The following TMEM132B variants were observed in gnomAD, a reference collection of about 807,000 sequenced individuals.
The protein encoded by TMEM132B is transmembrane protein 132B.
TMEM132B carries 18 observed loss-of-function variants against 90.8 expected under a neutral mutation model. That is an observed-to-expected ratio of 0.20 (90% CI 0.14 to 0.29). The LOEUF is 0.29. TMEM132B is among the 10% of genes least tolerant of loss of function. TMEM132B has a pLI of 1.00. For missense variants in TMEM132B, 1,096 were observed against 1,326.8 expected (o/e 0.83, Z 2.70); for synonymous variants, 504 against 523.3 (o/e 0.96, Z 0.50).
intron 3 of TMEM132B, among the ~76,000 whole-genome samples, chr12:125,457,054 C>G (rs1467008425): frequency 1.3e-5 from 2 of 152,132 alleles, no homozygotes; most frequent in Non-Finnish European, 2.9e-5. Context: ...TGAGTGGGCT[C>G]TGCTGCCTGC....
At chr12:125,431,707 G>A (rs943623636) in intron 3 of TMEM132B, among the ~76,000 whole-genome samples, 1 of 152,226 alleles carries the variant, frequency 6.6e-6, no homozygotes, top group Non-Finnish European at 1.5e-5. Flanking sequence ...GCAGCCAGCT[G>A]CATTGTCCTT....
intron 4 of TMEM132B, among the ~76,000 whole-genome samples, chr12:125,545,671 A>G (rs1884073023): frequency 1.3e-5 from 2 of 152,192 alleles, no homozygotes; most frequent in Admixed American, 1.3e-4. Context: ...CTTTGCTAGA[A>G]CGTTTGAAGG....
chr12:125,283,173 GT>G (rs1875248291), intron 1 of TMEM132B, among the ~76,000 whole-genome samples: 1 of 152,080 alleles, frequency 6.6e-6, no homozygotes, highest in Non-Finnish European at 1.5e-5. Context: ...TTAATGATCT[GT>G]TTGGCAAATC....
At chr12:125,234,962 C>T (rs1873901175) in intron 1 of TMEM132B, among the ~76,000 whole-genome samples, 1 of 152,158 alleles carries the variant, frequency 6.6e-6, no homozygotes, top group Non-Finnish European at 1.5e-5. Flanking sequence ...GATCTCTTTC[C>T]AGCGTACTCT....
At chr12:125,463,602 A>G (rs767646849) in intron 3 of TMEM132B, among the ~76,000 whole-genome samples, 2 of 152,200 alleles carry the variant, frequency 1.3e-5, no homozygotes, top group Non-Finnish European at 2.9e-5. Flanking sequence ...CCCACTGCAG[A>G]GTCCTTGGAA....
chr12:125,659,316 A>G lies in TMEM132B; in HGVS notation c.*4606A>G, dbSNP rs188449201. ...TCATGGCCCCGTCCAGGGTCAAACC[A>G]TGTTGAAAGTCAGTGCTGAAATGCA... On this transcript the variant is annotated 3_prime_UTR_variant, in exon 9 of 9. Coordinates refer to ENST00000682704, the MANE Select transcript of TMEM132B (RefSeq NM_001366854.1). The G allele has an allele frequency of 0.017, 2,618 of 152,368 alleles. 34 individuals are homozygous for G. Among genetic ancestry groups the G allele is most frequent in the Non-Finnish European group, 0.025 (1,698 of 68,046 alleles). The allele number at this position is 152,368 out of a possible 1,614,324, so 9.4% of individuals were successfully genotyped here.
intron 1 of TMEM132B, among the ~76,000 whole-genome samples, chr12:125,281,338 T>C (rs1395912564): frequency 6.6e-6 from 1 of 152,136 alleles, no homozygotes; most frequent in African/African-American, 2.4e-5. Context: ...TTGGTAGGGT[T>C]GGAGAATAGA....
At position 125,657,196 on chromosome 12, in the gene TMEM132B, C is replaced by A. The variant is rs1887086669; in HGVS notation, c.*2486C>A. 1 of 152,192 alleles carries A rather than the reference C, an allele frequency of 6.6e-6. No individual in the cohort carries two copies. Among genetic ancestry groups the A allele is most frequent in the Non-Finnish European group, 1.5e-5 (1 of 68,048 alleles). 9.4% of individuals were successfully genotyped at this position (152,192 alleles called of 1,614,324 possible). A position where few individuals can be genotyped will look rare whatever the true frequency, so the allele number is the denominator to read the frequency against. On this transcript the variant is annotated 3_prime_UTR_variant, in exon 9 of 9. Coordinates refer to ENST00000682704, the MANE Select transcript of TMEM132B (RefSeq NM_001366854.1). ...AGAGTCACTGGGAGTCACACAGCTCCTGTGTAGCCGCCTTTGCTCCTCTGT... is the reference window on the plus strand; with the variant it reads ...AGAGTCACTGGGAGTCACACAGCTCATGTGTAGCCGCCTTTGCTCCTCTGT...
intron 1 of TMEM132B, among the ~76,000 whole-genome samples, chr12:125,273,360 G>A (rs1472323163): frequency 6.6e-6 from 1 of 152,156 alleles, no homozygotes; most frequent in Non-Finnish European, 1.5e-5. Flanking sequence ...GCCGAGGTGG[G>A]AGGATCTCTT....
At chr12:125,270,779 T>C (rs909109053) in intron 1 of TMEM132B, among the ~76,000 whole-genome samples, 1 of 8,408 alleles carries the variant, frequency 1.2e-4, no homozygotes, top group Admixed American at 1.9e-3. Context: ...AGAGACTCTG[T>C]GGGGGTTGGG....
chr12:125,608,832 C>T (rs1466356686), intron 5 of TMEM132B, among the ~76,000 whole-genome samples: 2 of 149,098 alleles, frequency 1.3e-5, no homozygotes, highest in Non-Finnish European at 3.0e-5. Flanking sequence ...TTCTTTTCTC[C>T]CATTGCATTG....
rs563226892 is a variant in TMEM132B at position 125,632,691 on chromosome 12, C to T, written c.1438-11385C>T. Among the ~76,000 whole-genome samples the T allele has an allele frequency of 2.6e-5, 4 of 152,004 alleles. No individual in the cohort carries two copies. The South Asian group carries it at 8.3e-4, about 32-fold the overall frequency. The stretch of plus-strand genomic sequence containing the variant: ...TCTAGTGTCAAAGTTTTTTTTTCCT[C>T]CTTCAGCACTTTAAATATGTCATGC... On this transcript the variant is annotated intron_variant, in intron 5 of 8. Coordinates refer to ENST00000682704, the MANE Select transcript of TMEM132B (RefSeq NM_001366854.1).
At chr12:125,376,420 G>A (rs539474735) in intron 2 of TMEM132B, among the ~76,000 whole-genome samples, 40 of 152,286 alleles carry the variant, frequency 2.6e-4, no homozygotes, top group African/African-American at 9.4e-4. Flanking sequence ...GACAGGGCAC[G>A]GGATGCCTGA....
intron 3 of TMEM132B, among the ~76,000 whole-genome samples, chr12:125,432,856 C>T (rs1432579279): frequency 6.6e-6 from 1 of 152,074 alleles, no homozygotes; most frequent in Non-Finnish European, 1.5e-5. Flanking sequence ...TCAGATTAAT[C>T]TGCTATGTGA....
At chr12:125,324,527 G>A (rs1876509725) in intron 1 of TMEM132B, among the ~76,000 whole-genome samples, 1 of 152,214 alleles carries the variant, frequency 6.6e-6, no homozygotes, top group Non-Finnish European at 1.5e-5. Flanking sequence ...GACTGGTACT[G>A]GTCTGTGGCC....
chr12:125,425,907 G>A (rs1164231486), intron 3 of TMEM132B, among the ~76,000 whole-genome samples: 3 of 152,144 alleles, frequency 2.0e-5, no homozygotes, highest in African/African-American at 2.4e-5. Context: ...TACTATAAAC[G>A]TTCATATTCA....
At chr12:125,194,071 C>T (rs1872866497) in intron 1 of TMEM132B, among the ~76,000 whole-genome samples, 1 of 152,232 alleles carries the variant, frequency 6.6e-6, no homozygotes, top group South Asian at 2.1e-4. Context: ...TTGGCAAAAT[C>T]AGCTGGTTCT....
chr12:125,295,515 T>TGAGA (rs1555237218), intron 1 of TMEM132B, among the ~76,000 whole-genome samples: 261 of 142,294 alleles, frequency 1.8e-3, no homozygotes, highest in Middle Eastern at 3.5e-3. Context: ...TGTGTGTGTG[T>TGAGA]GAGAGAGAGA....
chr12:125,397,952 T>C (rs1456585019), intron 2 of TMEM132B, among the ~76,000 whole-genome samples: 1 of 152,190 alleles, frequency 6.6e-6, no homozygotes, highest in East Asian at 1.9e-4. Context: ...TCCTGTTCTG[T>C]TTACATGCAC....
Sources: allele counts gnomAD v4.1 joint callset (sites outside exome capture counted in the v4.1 genomes callset), GRCh38; gene constraint gnomAD v4.1.1; transcripts MANE v1.5; gene names NCBI Gene and HGNC (gene_info 2026-07-23, HGNC 2026-07-21).